Variants in FYB1 observed in about 807,000 individuals in gnomAD.
The protein encoded by FYB1 is FYN binding protein 1.
Under a neutral mutation model 94.1 loss-of-function variants are expected in FYB1, and 41 were observed. The observed-to-expected ratio is 0.44, with a 90% CI of 0.34 to 0.57. The LOEUF (loss-of-function observed/expected upper bound fraction) is 0.57. Among genes scored for constraint, FYB1 ranks in the 20% least tolerant of loss-of-function variants. The pLI, the probability that FYB1 is intolerant of heterozygous loss-of-function variation, is 0.02. For missense variants in FYB1, 1,050 were observed against 976.8 expected (o/e 1.07, Z -1.00); for synonymous variants, 367 against 353.2 (o/e 1.04, Z -0.44).
At chr5:39,227,347 A>C (rs1750521665) in intron 1 of FYB1, among the ~76,000 whole-genome samples, 2 of 152,184 alleles carry the variant, frequency 1.3e-5, no homozygotes, top group South Asian at 4.1e-4. Context: ...ATTATTTTTC[A>C]TAGGGGATGC....
At chr5:39,144,274 C>T (rs1210738200) in intron 3 of FYB1, among the ~76,000 whole-genome samples, 2 of 151,954 alleles carry the variant, frequency 1.3e-5, no homozygotes, top group East Asian at 1.9e-4. Flanking sequence ...TATTAGTTCC[C>T]GATAAAAGAA....
chr5:39,159,506 C>T (rs1251263790), intron 2 of FYB1, among the ~76,000 whole-genome samples: 1 of 152,150 alleles, frequency 6.6e-6, no homozygotes, highest in Non-Finnish European at 1.5e-5. Flanking sequence ...TGAGATCTTA[C>T]CACATTTACC....
At chr5:39,206,824 C>A (rs1210235768) in intron 1 of FYB1, among the ~76,000 whole-genome samples, 4 of 152,262 alleles carry the variant, frequency 2.6e-5, no homozygotes, top group Admixed American at 2.6e-4. Context: ...TATTCACAAA[C>A]AAACACCCTT....
chr5:39,185,806 G>A (rs1057512613), intron 2 of FYB1, among the ~76,000 whole-genome samples: 2 of 152,030 alleles, frequency 1.3e-5, no homozygotes, highest in African/African-American at 2.4e-5. Flanking sequence ...GAGCCACTCC[G>A]TGAGGGTTCC....
intron 9 of FYB1, among the ~76,000 whole-genome samples, 174 bp from the exon 10 acceptor site, chr5:39,130,786 A>G (rs1741129178): frequency 6.6e-6 from 1 of 152,164 alleles, no homozygotes; most frequent in Admixed American, 6.6e-5. Flanking sequence ...ATGGGTAATG[A>G]CAAGGCAACA....
At chr5:39,139,680 T>C (rs1026832347) in intron 4 of FYB1, 1 of 152,498 alleles carries the variant, frequency 6.6e-6, no homozygotes, top group Non-Finnish European at 1.5e-5. Context: ...TTAATAAGAG[T>C]TCAGTGTAAT....
At chr5:39,145,148 T>C (rs550797381) in intron 3 of FYB1, among the ~76,000 whole-genome samples, 1 of 152,334 alleles carries the variant, frequency 6.6e-6, no homozygotes, top group African/African-American at 2.4e-5. Flanking sequence ...TTCCTGCCTT[T>C]TATATGCTTA....
At chr5:39,182,853 T>G (rs1415069668) in intron 2 of FYB1, among the ~76,000 whole-genome samples, 1 of 152,220 alleles carries the variant, frequency 6.6e-6, no homozygotes, top group African/African-American at 2.4e-5. Flanking sequence ...TATTATTAAT[T>G]TTTTCAGGTG....
chr5:39,195,647 T>C (rs113842440), intron 2 of FYB1, among the ~76,000 whole-genome samples: 2 of 152,268 alleles, frequency 1.3e-5, no homozygotes, highest in African/African-American at 2.4e-5. Flanking sequence ...AGCTAACATA[T>C]GGAAAAAATC....
chr5:39,133,344 A>C (rs773681294), intron 9 of FYB1, among the ~76,000 whole-genome samples: 5 of 152,212 alleles, frequency 3.3e-5, no homozygotes, highest in Non-Finnish European at 7.3e-5. Flanking sequence ...AAAGTTCTGA[A>C]CTGGACCAGA....
At chr5:39,252,377 TAA>T (rs1323952801) in intron 1 of FYB1, among the ~76,000 whole-genome samples, 1 of 152,208 alleles carries the variant, frequency 6.6e-6, no homozygotes, top group Non-Finnish European at 1.5e-5. Flanking sequence ...TACTTGTAGA[TAA>T]AGACTGAATG....
intron 2 of FYB1, among the ~76,000 whole-genome samples, chr5:39,155,645 T>C (rs1743680463): frequency 6.6e-6 from 1 of 152,206 alleles, no homozygotes; most frequent in Non-Finnish European, 1.5e-5. Flanking sequence ...TTATAAACAG[T>C]ACATTTTCTC....
At chr5:39,251,998 AGCCT>A (rs1751732031) in intron 1 of FYB1, among the ~76,000 whole-genome samples, 1 of 152,022 alleles carries the variant, frequency 6.6e-6, no homozygotes, top group African/African-American at 2.4e-5. Context: ...AAAAAAATTT[AGCCT>A]GGAGTGGTGG....
chr5:39,198,854 TATAA>T (rs1422433427), intron 2 of FYB1, among the ~76,000 whole-genome samples: 1 of 152,070 alleles, frequency 6.6e-6, no homozygotes, highest in Admixed American at 6.6e-5. Context: ...ATATATTCTA[TATAA>T]ATAAATAATA....
Position 39,202,520 on chromosome 5 carries a change from G to A in FYB1, c.441C>T (p.Asp147=). 6.2e-7 allele frequency: 1 copy of A among 1,613,992 alleles called. No individual in the cohort carries two copies. ...PSLHSVNQDH[D]LKPLGPKSGP... ...CAGATTTCGGGCCTAGTGGCTTTAAGTCATGGTCTTGGTTTACACTGTGAA... is the reference window on the plus strand; with the variant it reads ...CAGATTTCGGGCCTAGTGGCTTTAAATCATGGTCTTGGTTTACACTGTGAA... The change falls in exon 2 of 19, where the codon GAC becomes GAT. Residue 147 remains aspartate, a synonymous_variant. Coordinates refer to ENST00000512982, the MANE Select transcript of FYB1 (RefSeq NM_001465.6).
intron 14 of FYB1, among the ~76,000 whole-genome samples, chr5:39,121,711 G>A (rs1044054654): frequency 6.6e-6 from 1 of 151,774 alleles, no homozygotes; most frequent in Admixed American, 6.6e-5. Flanking sequence ...ATTCCAAAAG[G>A]CACTCCTTTT....
At chr5:39,120,227 T>A (rs1183328882) in intron 14 of FYB1, among the ~76,000 whole-genome samples, 1 of 83,140 alleles carries the variant, frequency 1.2e-5, no homozygotes, top group Non-Finnish European at 2.5e-5. Context: ...TTATCAATTG[T>A]GTGTGTGTGT....
At chr5:39,247,275 T>C (rs971141656) in intron 1 of FYB1, among the ~76,000 whole-genome samples, 5 of 151,714 alleles carry the variant, frequency 3.3e-5, no homozygotes, top group South Asian at 2.1e-4. Context: ...TTTTGAAATG[T>C]TTCAAAGATT....
chr5:39,242,963 C>A (rs1010343250), intron 1 of FYB1, among the ~76,000 whole-genome samples: 2 of 152,152 alleles, frequency 1.3e-5, no homozygotes, highest in African/African-American at 2.4e-5. Context: ...TGTTCATATC[C>A]TTTGCCCACT....
Sources: gnomAD v4.1 joint callset for allele counts (sites outside exome capture counted in the v4.1 genomes callset) on GRCh38, gnomAD v4.1.1 for gene constraint, MANE v1.5 for transcripts, NCBI Gene and HGNC (gene_info 2026-07-23, HGNC 2026-07-21) for gene names.